ARNT2: variants seen among roughly 807,000 people sequenced by gnomAD.
The protein encoded by ARNT2 is ARNT protein 2.
A neutral mutation model predicts 91.7 loss-of-function variants in ARNT2; 36 were observed. That is an observed-to-expected ratio of 0.39 (90% confidence interval 0.30 to 0.52). The LOEUF (loss-of-function observed/expected upper bound fraction) is 0.52. Ranked by LOEUF, ARNT2 falls within the 20% of genes least tolerant of loss-of-function variation. The pLI is 0.72. For missense variants in ARNT2, 775 were observed against 939.3 expected, an observed-to-expected ratio of 0.83 and a Z score of 2.29; for synonymous variants, 365 against 347.1, an observed-to-expected ratio of 1.05 and a Z score of -0.57.
At chr15:80,444,134 C>A (rs1462906153) in intron 1 of ARNT2, among the ~76,000 whole-genome samples, 3 of 152,160 alleles carry the variant, frequency 2.0e-5, no homozygotes, top group African/African-American at 7.2e-5. Flanking sequence ...CCTTGCCAGG[C>A]GCTGCTTGAG....
At chr15:80,590,434 A>C (rs1893256217) in intron 17 of ARNT2, among the ~76,000 whole-genome samples, 1 of 152,192 alleles carries the variant, frequency 6.6e-6, no homozygotes, top group Admixed American at 6.5e-5. Flanking sequence ...AATCTCAAAA[A>C]TGTTTTTCGA....
rs558191617 is a variant in ARNT2 at position 80,522,090 on chromosome 15, A to G, written c.877+7685A>G. ...AAAACGTAAAAAGAATGAGTTTTCT[A>G]TATTCACAAATATAGTAAGCACCTT... On this transcript the variant is annotated intron_variant, in intron 8 of 18. Coordinates refer to ENST00000303329, the MANE Select transcript of ARNT2 (RefSeq NM_014862.4). Among the ~76,000 whole-genome samples, 10 of 152,342 alleles carry G rather than the reference A, an allele frequency of 6.6e-5. No homozygotes were observed. The East Asian group carries it at 1.4e-3, about 21-fold the overall frequency.
At position 80,586,311 on chromosome 15, in the gene ARNT2, A is replaced by G. The variant is rs574202081; in HGVS notation, c.1918+4907A>G. Among the ~76,000 whole-genome samples the G allele has an allele frequency of 5.9e-5, 9 of 152,270 alleles. No homozygotes were observed. The East Asian group carries it at 1.7e-3, about 29-fold the overall frequency. On this transcript the variant is annotated intron_variant, in intron 17 of 18. Coordinates refer to ENST00000303329, the MANE Select transcript of ARNT2 (RefSeq NM_014862.4). ...ATATATTGTCTTGGCAAGCAACAGC[A>G]TGTCCATAGCTCCTTGTTCCCCACA...
intron 8 of ARNT2, among the ~76,000 whole-genome samples, chr15:80,536,831 G>C (rs1474784469): frequency 6.6e-6 from 1 of 152,122 alleles, no homozygotes; most frequent in Non-Finnish European, 1.5e-5. Flanking sequence ...CAGAGACCTT[G>C]TTCCTGTCAG....
At chr15:80,458,901 G>T (rs1240284245) in intron 3 of ARNT2, among the ~76,000 whole-genome samples, 1 of 152,090 alleles carries the variant, frequency 6.6e-6, no homozygotes, top group African/African-American at 2.4e-5. Context: ...CTGTATCCAT[G>T]CTCCATAGTT....
intron 17 of ARNT2, among the ~76,000 whole-genome samples, chr15:80,587,391 TC>T (rs1383775627): frequency 6.7e-6 from 1 of 150,286 alleles, no homozygotes; most frequent in Non-Finnish European, 1.5e-5. Flanking sequence ...TTGTCAAATG[TC>T]CCCCTTGGTT....
chr15:80,494,268 A>G (rs1897095947), intron 5 of ARNT2, among the ~76,000 whole-genome samples: 1 of 152,130 alleles, frequency 6.6e-6, no homozygotes, highest in Non-Finnish European at 1.5e-5. Context: ...TTCTTCATGA[A>G]TGCAGATTTT....
chr15:80,495,018 A>C (rs1400101337), intron 5 of ARNT2, among the ~76,000 whole-genome samples: 1 of 152,084 alleles, frequency 6.6e-6, no homozygotes, highest in Non-Finnish European at 1.5e-5. Flanking sequence ...GGCTCTTCTG[A>C]GTGTCTGCAG....
chr15:80,489,983 T>C (rs532201333), intron 5 of ARNT2, among the ~76,000 whole-genome samples: 1 of 152,298 alleles, frequency 6.6e-6, no homozygotes, highest in East Asian at 1.9e-4. Context: ...GTGGTCTGGG[T>C]ACTCAGTAAA....
At chr15:80,543,261 C>T (rs1897940851) in intron 8 of ARNT2, among the ~76,000 whole-genome samples, 1 of 152,102 alleles carries the variant, frequency 6.6e-6, no homozygotes, top group African/African-American at 2.4e-5. Context: ...TTTCTAGCAT[C>T]CCATAAGGTG....
chr15:80,592,022 A>C (rs934866484), intron 18 of ARNT2, among the ~76,000 whole-genome samples: 4 of 152,076 alleles, frequency 2.6e-5, no homozygotes, highest in African/African-American at 9.7e-5. Context: ...GGTCTCTCCT[A>C]AGAGCTGCAG....
chr15:80,462,929 AT>A (rs1315755428), intron 3 of ARNT2, among the ~76,000 whole-genome samples: 2 of 152,062 alleles, frequency 1.3e-5, no homozygotes, highest in Non-Finnish European at 2.9e-5. Context: ...GCTTGTAGGC[AT>A]TTTCCCCCCT....
intron 12 of ARNT2, 92 bp downstream of exon 12, chr15:80,563,331 C>T (rs1277212087): frequency 8.0e-6 from 12 of 1,495,248 alleles, no homozygotes; most frequent in South Asian, 6.0e-5. Flanking sequence ...TTCTCCCTGC[C>T]GGCTCTCCCT....
Position 80,433,257 on chromosome 15 carries a change from A to ATTTTATTTTAT in ARNT2, c.32-17619_32-17609dup, listed in dbSNP as rs1555455374. ...TATTTATTTTATTTTATTTTATTTT[A>ATTTTATTTTAT]TTTTATTTTATTTTATTTTATTTTA... On this transcript the variant is annotated intron_variant, in intron 1 of 18. Transcript: ENST00000303329. Among the ~76,000 whole-genome samples, 661 of 126,212 alleles carry ATTTTATTTTAT rather than the reference A, an allele frequency of 5.2e-3. 4 individuals are homozygous for ATTTTATTTTAT. The highest frequency in any genetic ancestry group is 0.016 in the East Asian group (72 of 4,430). The allele number at this position is 126,212 out of a possible 152,430, so 82.8% of individuals were successfully genotyped here.
chr15:80,576,065 T>C (rs147121330), intron 14 of ARNT2, among the ~76,000 whole-genome samples: 2 of 152,286 alleles, frequency 1.3e-5, no homozygotes, highest in East Asian at 3.9e-4. Context: ...CTCGCCTTCT[T>C]TCTGTTGGGA....
At chr15:80,533,690 A>G (rs1355549923) in intron 8 of ARNT2, among the ~76,000 whole-genome samples, 2 of 152,240 alleles carry the variant, frequency 1.3e-5, no homozygotes, top group African/African-American at 4.8e-5. Flanking sequence ...TAAGGCATGG[A>G]AAGGATTCAA....
At chr15:80,583,469 G>T (rs935871967) in intron 17 of ARNT2, among the ~76,000 whole-genome samples, 2 of 152,228 alleles carry the variant, frequency 1.3e-5, no homozygotes, top group Non-Finnish European at 2.9e-5. Context: ...CACCACTGTG[G>T]CCAAGAACAG....
chr15:80,550,432 G>A (rs1032484861), intron 8 of ARNT2, among the ~76,000 whole-genome samples: 5 of 152,200 alleles, frequency 3.3e-5, no homozygotes, highest in African/African-American at 1.2e-4. Context: ...GTCATGCAGT[G>A]TAAAAGGAAA....
At chr15:80,438,366 G>GT (rs1896126211) in intron 1 of ARNT2, among the ~76,000 whole-genome samples, 1 of 152,124 alleles carries the variant, frequency 6.6e-6, no homozygotes, top group Non-Finnish European at 1.5e-5. Context: ...GATATGGGAG[G>GT]TTTTTTCCCC....
Sources: gnomAD v4.1 joint callset for allele counts (sites outside exome capture counted in the v4.1 genomes callset) on GRCh38, gnomAD v4.1.1 for gene constraint, MANE v1.5 for transcripts, NCBI Gene and HGNC (gene_info 2026-07-23, HGNC 2026-07-21) for gene names.